Variants in F11 observed in about 807,000 individuals in gnomAD.
F11 encodes coagulation factor XI, also known as coagualtion factor XI.
A neutral mutation model predicts 76.5 loss-of-function variants in F11; 78 were observed. The ratio of observed to expected loss-of-function variants is 1.02; its 90% confidence interval spans 0.85 to 1.23. The LOEUF (loss-of-function observed/expected upper bound fraction) is 1.23. Among genes scored for constraint, F11 ranks in the 50% most tolerant of loss-of-function variants. F11 has a pLI of 0.00. For missense variants in F11, 742 were observed against 771.4 expected (o/e 0.96, Z 0.45); for synonymous variants, 278 against 276.3 (o/e 1.01, Z -0.06).
intron 1 of F11, 51 bp from the exon 2 acceptor site, chr4:186,267,085 T>G (rs1580059693): frequency 3.3e-6 from 4 of 1,221,458 alleles, no homozygotes; most frequent in Non-Finnish European, 4.9e-6. Flanking sequence ...GTAAACTAAT[T>G]ATAAATTTAC....
Position 186,274,107 on chromosome 4 carries a change from TA to T in F11, c.326-8del. On this transcript the variant is annotated splice_polypyrimidine_tract_variant and splice_region_variant and intron_variant, in intron 4 of 14. Transcript: ENST00000403665. ...GGAAGGTACTCATGTCTTCTGCTTTTATTTCCAGCTTGCAACAAAGACATTT... is the reference window on the plus strand; with the variant it reads ...GGAAGGTACTCATGTCTTCTGCTTTTTTTCCAGCTTGCAACAAAGACATTT... The T allele has an allele frequency of 5.0e-6, 8 of 1,614,214 alleles. No homozygotes were observed. The highest frequency in any genetic ancestry group is 6.8e-6 in the Non-Finnish European group (8 of 1,180,024).
At chr4:186,275,410 G>A (rs573624067) in intron 5 of F11, among the ~76,000 whole-genome samples, 124 of 152,262 alleles carry the variant, frequency 8.1e-4, no homozygotes, top group African/African-American at 2.9e-3. Flanking sequence ...CAAGAGAATC[G>A]CTTGAACCCA....
At chr4:186,290,689 G>A (rs373283354), downstream of F11, 9 of 152,240 alleles carry the variant, frequency 5.9e-5, no homozygotes, top group East Asian at 1.7e-3. Context: ...TATACAATGA[G>A]GAGATCTCCT....
chr4:186,275,320 G>A lies in F11; in HGVS notation c.486-467G>A, dbSNP rs558786483. 123 of 360,740 alleles carry A rather than the reference G, an allele frequency of 3.4e-4. No homozygotes were observed. In the Admixed American group the frequency reaches 4.1e-3, roughly 12 times the overall value. 22.3% of individuals were successfully genotyped at this position (360,740 alleles called of 1,614,324 possible). ...AGCCTGACCAATATGGTGAAACCCC[G>A]TCTCTACTAAAAAAGAATACAAAAA... On this transcript the variant is annotated intron_variant, in intron 5 of 14. Coordinates refer to ENST00000403665, the MANE Select transcript of F11 (RefSeq NM_000128.4).
chr4:186,270,649 G>GCA (rs10535096), intron 2 of F11, among the ~76,000 whole-genome samples: 40,629 of 150,430 alleles, frequency 0.27, 5,820 homozygotes, highest in Middle Eastern at 0.4. Context: ...AGTGCATGAT[G>GCA]CACACACACA....
At chr4:186,274,642 T>C (rs4253411) in intron 5 of F11, 13,396 of 298,908 alleles carry the variant, frequency 0.045, 656 homozygotes, top group African/African-American at 0.15. Flanking sequence ...CTACTCTCTC[T>C]CTCTCTAAAT....
At chr4:186,286,046 G>A in intron 12 of F11, 2 of 592,690 alleles carry the variant, frequency 3.4e-6, no homozygotes, top group South Asian at 4.1e-5. Flanking sequence ...TCTTCTTCAG[G>A]TGCATAGAAT....
At chr4:186,282,354 G>T (rs149578452) in intron 10 of F11, 2 of 985,260 alleles carry the variant, frequency 2.0e-6, no homozygotes, top group Non-Finnish European at 2.4e-6. Context: ...CAACTTTGGA[G>T]GGAGTGAATT....
chr4:186,285,550 G>C, intron 11 of F11, 88 bp from the exon 12 acceptor site: 1 of 1,335,938 alleles, frequency 7.5e-7, no homozygotes, highest in East Asian at 2.3e-5. Context: ...GAAAATATTA[G>C]TAATAATTAA....
At chr4:186,266,398 T>C (rs1739499725) in intron 1 of F11, 103 bp downstream of exon 1, 1 of 152,214 alleles carries the variant, frequency 6.6e-6, no homozygotes, top group Non-Finnish European at 1.5e-5. Context: ...CAATAGAGAA[T>C]GATTGATTTT....
At chr4:186,285,861 A>T (rs758059497) in intron 12 of F11, 48 bp downstream of exon 12, 47 of 1,597,932 alleles carry the variant, frequency 2.9e-5, no homozygotes, top group Non-Finnish European at 3.8e-5. Context: ...TGAACTGGAT[A>T]AAATGTTTAA....
intron 10 of F11, among the ~76,000 whole-genome samples, chr4:186,281,537 C>T (rs559222041): frequency 7.9e-5 from 12 of 152,202 alleles, no homozygotes; most frequent in African/African-American, 2.2e-4. Context: ...AGCATAGTCA[C>T]GAGAGATGCT....
At chr4:186,271,436 C>A (rs892379055) in intron 2 of F11, among the ~76,000 whole-genome samples, 173 bp from the exon 3 acceptor site, 49 of 152,312 alleles carry the variant, frequency 3.2e-4, no homozygotes, top group African/African-American at 1.1e-3. Context: ...TCGTTTCCAC[C>A]TGAGGCTGTT....
chr4:186,288,348 G>A, intron 14 of F11, 105 bp from the exon 15 acceptor site: 1 of 1,416,330 alleles, frequency 7.1e-7, no homozygotes, highest in Non-Finnish European at 1.0e-6. Context: ...GTATATTAAG[G>A]GGCCAAGACA....
In F11 at chr4:186,280,472, AG is replaced by A; in HGVS notation, c.1031del. ...TTTATACCGTTTTGTTTCCAACTGC[AG>A]GGGCAAGTGTTACTTAAAGCTTTCT... On this transcript the variant is annotated splice_acceptor_variant, in intron 9 of 14. Coordinates refer to ENST00000403665, the MANE Select transcript of F11 (RefSeq NM_000128.4). LOFTEE classifies it high-confidence loss of function. 6.2e-7 allele frequency: 1 copy of A among 1,614,174 alleles called. No individual in the cohort carries two copies.
chr4:186,282,686 G>A (rs918815701), intron 10 of F11: 10 of 985,124 alleles, frequency 1.0e-5, no homozygotes, highest in Admixed American at 1.2e-4. Context: ...CCTTTATGAC[G>A]CTTCCCACCT....
At chr4:186,284,584 TCA>T (rs368302663) in intron 11 of F11, among the ~76,000 whole-genome samples, 12 of 152,182 alleles carry the variant, frequency 7.9e-5, no homozygotes, top group African/African-American at 2.9e-4. Flanking sequence ...GGAACTAAAC[TCA>T]CAGAGGATTT....
At chr4:186,287,620 G>A in intron 13 of F11, 64 bp from the exon 14 acceptor site, 1 of 860,710 alleles carries the variant, frequency 1.2e-6, no homozygotes, top group Non-Finnish European at 1.8e-6. Context: ...TTATATGTAT[G>A]CATATATGTT....
chr4:186,268,266 A>G (rs1379160645), intron 2 of F11, among the ~76,000 whole-genome samples: 1 of 152,206 alleles, frequency 6.6e-6, no homozygotes, highest in African/African-American at 2.4e-5. Context: ...TAATCTAGAG[A>G]TGATTTAAAG....
Sources: allele counts gnomAD v4.1 joint callset (sites outside exome capture counted in the v4.1 genomes callset), GRCh38; gene constraint gnomAD v4.1.1; transcripts MANE v1.5; gene names NCBI Gene and HGNC (gene_info 2026-07-23, HGNC 2026-07-21).